The following PDE8A variants were observed in gnomAD, a reference collection of about 807,000 sequenced individuals.
The protein encoded by PDE8A is phosphodiesterase 8A.
In PDE8A, 59 loss-of-function variants were observed where a neutral mutation model predicts 105.0. The observed-to-expected ratio is 0.56, with a 90% CI of 0.46 to 0.70. The LOEUF (loss-of-function observed/expected upper bound fraction) is 0.70. Among genes scored for constraint, PDE8A ranks in the 30% least tolerant of loss-of-function variants. PDE8A has a pLI of 0.00. For missense variants in PDE8A, 1,014 were observed against 1,045.9 expected (o/e 0.97, Z 0.42); for synonymous variants, 355 against 371.9 (o/e 0.95, Z 0.52).
At chr15:85,092,328 G>GT (rs376460724) in intron 8 of PDE8A, among the ~76,000 whole-genome samples, 14,353 of 150,930 alleles carry the variant, frequency 0.095, 931 homozygotes, top group Non-Finnish European at 0.15. Context: ...TTTTGTTGTT[G>GT]TTTTTTTTTG....
rs774152275 is a variant in PDE8A at position 85,064,431 on chromosome 15, T to C, written c.243+5T>C. 5.7e-6 allele frequency: 9 copies of C among 1,590,380 alleles called. No individual in the cohort carries two copies. Among genetic ancestry groups the C allele is most frequent in the Non-Finnish European group, 7.8e-6 (9 of 1,158,668 alleles). On this transcript the variant is annotated splice_donor_5th_base_variant and intron_variant, in intron 2 of 21. Transcript: ENST00000394553. ...TTTCATCAAGATCAACTTCAGGTAA[T>C]AATGAACGATGCTGTATTTTTCACA... is the stretch of plus-strand genomic sequence containing the variant.
At chr15:85,125,170 TGG>T (rs997659528) in intron 19 of PDE8A, among the ~76,000 whole-genome samples, 17 of 152,094 alleles carry the variant, frequency 1.1e-4, no homozygotes, top group African/African-American at 4.1e-4. Flanking sequence ...CCAGGAAGTG[TGG>T]GAAGCCTAGA....
At chr15:85,011,383 C>G (rs548991410) in intron 1 of PDE8A, among the ~76,000 whole-genome samples, 2 of 152,278 alleles carry the variant, frequency 1.3e-5, no homozygotes, top group African/African-American at 4.8e-5. Context: ...TCAACCCTGT[C>G]TCTCCCTGCT....
At chr15:85,005,098 G>A (rs1401767616) in intron 1 of PDE8A, among the ~76,000 whole-genome samples, 2 of 151,920 alleles carry the variant, frequency 1.3e-5, no homozygotes, top group African/African-American at 4.8e-5. Flanking sequence ...TTATAGCTGG[G>A]TATTATCTCT....
chr15:85,040,919 T>TTTTTTATTTTTTTTATTTGGCATG (rs1555469361), intron 1 of PDE8A, among the ~76,000 whole-genome samples: 6 of 152,126 alleles, frequency 3.9e-5, no homozygotes, highest in Non-Finnish European at 8.8e-5. Flanking sequence ...TTGTCTTTAT[T>TTTTTTATTTTTTTTATTTGGCATG]TTTTTAATTT....
At chr15:85,086,038 A>AT (rs1205861613) in intron 6 of PDE8A, among the ~76,000 whole-genome samples, 1 of 151,976 alleles carries the variant, frequency 6.6e-6, no homozygotes, top group African/African-American at 2.4e-5. Context: ...AAAAAAAAGA[A>AT]TTTAGCATAT....
At chr15:85,116,188 G>C in intron 16 of PDE8A, 69 bp downstream of exon 16, 1 of 1,519,558 alleles carries the variant, frequency 6.6e-7, no homozygotes, top group Non-Finnish European at 9.1e-7. Context: ...GGCTACCTGA[G>C]GAGTATGGAT....
At chr15:85,112,727 C>A (rs909753757) in intron 12 of PDE8A, among the ~76,000 whole-genome samples, 1 of 152,144 alleles carries the variant, frequency 6.6e-6, no homozygotes, top group Non-Finnish European at 1.5e-5. Flanking sequence ...CGTGGAGATA[C>A]CCAGGACTGG....
At chr15:85,071,874 A>G (rs2081316485) in intron 3 of PDE8A, among the ~76,000 whole-genome samples, 1 of 152,200 alleles carries the variant, frequency 6.6e-6, no homozygotes, top group African/African-American at 2.4e-5. Flanking sequence ...GACTAAGAAA[A>G]TTATTTTTTA....
chr15:85,073,122 AGT>A (rs2081335936), intron 3 of PDE8A, among the ~76,000 whole-genome samples: 1 of 152,098 alleles, frequency 6.6e-6, no homozygotes, highest in Non-Finnish European at 1.5e-5. Context: ...TCAAAAAAAA[AGT>A]GGGGTGGGTG....
At chr15:85,002,408 C>G (rs2080081650) in intron 1 of PDE8A, among the ~76,000 whole-genome samples, 2 of 152,208 alleles carry the variant, frequency 1.3e-5, no homozygotes, top group South Asian at 4.1e-4. Flanking sequence ...AGGGCTAGGT[C>G]TAGAGGGTCC....
Position 85,083,615 on chromosome 15 carries a change from T to G in PDE8A, c.606T>G (p.Phe202Leu), listed in dbSNP as rs376339850. The stretch of plus-strand genomic sequence containing the variant: ...ACAATGAACTGCTCCAGCTGGAGTT[T>G]GGAGAGGTGCGATCACAACTGAAAC... The part of the protein sequence containing the change: ...ACYNELLQLE[F>L]GEVRSQLKLR... The change falls in exon 6 of 22, where the codon TTT becomes TTG. Residue 202 changes from phenylalanine (F) to leucine (L), a missense_variant. By Grantham distance (22) the Phe-to-Leu change is conservative. Coordinates refer to ENST00000394553, the MANE Select transcript of PDE8A (RefSeq NM_002605.3). 8 of 1,613,282 alleles carry G rather than the reference T, an allele frequency of 5.0e-6. No individual in the cohort carries two copies. Among genetic ancestry groups the G allele is most frequent in the Non-Finnish European group, 6.8e-6 (8 of 1,179,358 alleles).
intron 1 of PDE8A, among the ~76,000 whole-genome samples, chr15:85,057,165 C>T (rs2081073048): frequency 6.6e-6 from 1 of 152,138 alleles, no homozygotes; most frequent in African/African-American, 2.4e-5. Context: ...TGATCATCCC[C>T]TGGAAGCTTC....
chr15:85,088,355 T>C (rs1463228148), intron 6 of PDE8A, among the ~76,000 whole-genome samples: 1 of 152,234 alleles, frequency 6.6e-6, no homozygotes, highest in Non-Finnish European at 1.5e-5. Context: ...CAGATTTGCG[T>C]ATTCTGGACA....
rs2082445628 is a variant in PDE8A, at chr15:85,138,300, T to C, written c.*397T>C. ...TTAAGAACGGCTAATGGCAATAGGA[T>C]CTTTAGCAACTTTTTCACATCATAG... On this transcript the variant is annotated 3_prime_UTR_variant, in exon 22 of 22. Transcript: ENST00000394553. 1 of 159,158 alleles carries C rather than the reference T, an allele frequency of 6.3e-6. No homozygotes were observed. Among genetic ancestry groups the C allele is most frequent in the African/African-American group, 2.4e-5 (1 of 41,702 alleles). The allele number at this position is 159,158 out of a possible 1,614,324, so 9.9% of individuals were successfully genotyped here. A position where few individuals can be genotyped will look rare whatever the true frequency, so the allele number is the denominator to read the frequency against.
Position 85,091,072 on chromosome 15 carries a change from T to G in PDE8A, c.743T>G (p.Met248Arg). 1 of 1,611,520 alleles carries G rather than the reference T, an allele frequency of 6.2e-7. No individual in the cohort carries two copies. Among genetic ancestry groups the G allele is most frequent in the Middle Eastern group, 1.7e-4 (1 of 6,032 alleles). The change falls in exon 8 of 22, where the codon ATG becomes AGG. Residue 248 changes from methionine (M) to arginine (R), a missense_variant. Coordinates refer to ENST00000394553, the MANE Select transcript of PDE8A (RefSeq NM_002605.3). Reference protein sequence around the residue: ...QYANPAFETTMGYQSGELIGK... With the variant: ...QYANPAFETTRGYQSGELIGK... ...GCAAATCCTGCATTTGAAACAACAA[T>G]GGGCTATCAGTCAGGTGAATTAATA...
intron 5 of PDE8A, among the ~76,000 whole-genome samples, chr15:85,081,621 C>G (rs2081468156): frequency 6.6e-6 from 1 of 152,158 alleles, no homozygotes; most frequent in Non-Finnish European, 1.5e-5. Context: ...AGCTTGCTTT[C>G]TGAGGATCCC....
chr15:84,989,997 G>T (rs559948427), intron 1 of PDE8A, among the ~76,000 whole-genome samples: 5 of 152,176 alleles, frequency 3.3e-5, no homozygotes, highest in African/African-American at 1.2e-4. Context: ...TTCAAAGTAA[G>T]TTCCACACAT....
At chr15:85,103,318 G>T (rs370411886) in intron 11 of PDE8A, among the ~76,000 whole-genome samples, 1 of 152,218 alleles carries the variant, frequency 6.6e-6, no homozygotes, top group African/African-American at 2.4e-5. Context: ...CAGAGGAAAT[G>T]TTCGGCAGGG....
Sources: gnomAD v4.1 joint callset for allele counts (sites outside exome capture counted in the v4.1 genomes callset) on GRCh38, gnomAD v4.1.1 for gene constraint, MANE v1.5 for transcripts, NCBI Gene and HGNC (gene_info 2026-07-23, HGNC 2026-07-21) for gene names.